ANKRD12: variants seen among roughly 807,000 people sequenced by gnomAD.
ANKRD12 encodes ankyrin repeat domain-containing protein 12.
A neutral mutation model predicts 183.4 loss-of-function variants in ANKRD12; 85 were observed. That is an observed-to-expected ratio of 0.46 (90% confidence interval 0.39 to 0.56). ANKRD12 has a LOEUF of 0.56. Ranked by LOEUF, ANKRD12 falls within the 20% of genes least tolerant of loss-of-function variation. The probability of loss-of-function intolerance (pLI) is 0.00; values close to 1 mark genes in which losing one functional copy is unlikely to be tolerated. For synonymous variants in ANKRD12, 914 were observed against 800.2 expected (o/e 1.14, Z -2.40); for missense variants, 2,405 against 2,357.1 (o/e 1.02, Z -0.42).
intron 1 of ANKRD12, among the ~76,000 whole-genome samples, chr18:9,146,087 C>T (rs528132311): frequency 6.6e-6 from 1 of 152,294 alleles, no homozygotes; most frequent in Admixed American, 6.5e-5. Flanking sequence ...AATGTAGGTT[C>T]AGTTTTTGCT....
rs1019144653 is a variant in ANKRD12, at chr18:9,255,710, A to G, written c.2443A>G (p.Ile815Val). ...AGACATTGAAAAACAAGAAAAGCAT[A>G]TAAAGGAAAGTAAAGAAAAACCTGA... ...EIDIEKQEKH[I>V]KESKEKPEKR... The change falls in exon 9 of 13, where the codon ATA becomes GTA. Residue 815 changes from isoleucine (I) to valine (V), a missense_variant. Coordinates refer to ENST00000262126, the MANE Select transcript of ANKRD12 (RefSeq NM_015208.5). The G allele has an allele frequency of 6.3e-7, 1 of 1,598,542 alleles. No individual in the cohort carries two copies. The highest frequency in any genetic ancestry group is 8.5e-7 in the Non-Finnish European group (1 of 1,176,094).
intron 1 of ANKRD12, among the ~76,000 whole-genome samples, chr18:9,173,067 ATTTTTTTTT>A (rs35322750): frequency 8.2e-6 from 1 of 122,238 alleles, no homozygotes; most frequent in South Asian, 2.6e-4. Flanking sequence ...GAGGTTGCTG[ATTTTTTTTT>A]TTTTTTTTTT....
chr18:9,239,568 A>G, intron 8 of ANKRD12: 1 of 1,261,714 alleles, frequency 7.9e-7, no homozygotes, highest in Non-Finnish European at 1.0e-6. Context: ...TAAGTATCAT[A>G]TAAAGATTTT....
At chr18:9,249,037 ATATCT>A (rs1266343725) in intron 8 of ANKRD12, among the ~76,000 whole-genome samples, 3 of 152,212 alleles carry the variant, frequency 2.0e-5, no homozygotes, top group Non-Finnish European at 4.4e-5. Flanking sequence ...TAATTTCTTG[ATATCT>A]TAATACAGTT....
At chr18:9,210,399 A>G (rs915357322) in intron 5 of ANKRD12, among the ~76,000 whole-genome samples, 1 of 152,058 alleles carries the variant, frequency 6.6e-6, no homozygotes, top group Non-Finnish European at 1.5e-5. Context: ...TCTGTAGGAA[A>G]CTATTACCGA....
rs571665658 is a variant in ANKRD12 at position 9,273,929 on chromosome 18, G to T, written c.5764-1595G>T. ...ATTTATTTAAGATTTATGTCACATG[G>T]GAGCCAAAGACGTGGCAAAACCTGA... On this transcript the variant is annotated intron_variant, in intron 10 of 12. Coordinates refer to ENST00000262126, the MANE Select transcript of ANKRD12 (RefSeq NM_015208.5). Among the ~76,000 whole-genome samples, 15 of 152,306 alleles carry T rather than the reference G, an allele frequency of 9.8e-5. No individual in the cohort carries two copies. The South Asian group carries it at 2.9e-3, about 29-fold the overall frequency.
rs2040204575 is a variant in ANKRD12 at position 9,285,771 on chromosome 18, CTTCA to C, written c.*4647_*4650del. The C allele has an allele frequency of 6.6e-6, 1 of 152,194 alleles. No homozygotes were observed. The highest frequency in any genetic ancestry group is 1.5e-5 in the Non-Finnish European group (1 of 68,038). 9.4% of individuals were successfully genotyped at this position (152,194 alleles called of 1,614,324 possible). A position where few individuals can be genotyped will look rare whatever the true frequency, so the allele number is the denominator to read the frequency against. On this transcript the variant is annotated 3_prime_UTR_variant, in exon 13 of 13. Transcript: ENST00000262126. ...TACATTAGTTGTACCTAGCCTTGAA[CTTCA>C]TAGAAATAGAGTCATACATACTTCC... is the stretch of plus-strand genomic sequence containing the variant.
Position 9,256,850 on chromosome 18 carries a change from G to A in ANKRD12, c.3583G>A (p.Glu1195Lys). The A allele has an allele frequency of 6.2e-7, 1 of 1,613,950 alleles. No homozygotes were observed. The highest frequency in any genetic ancestry group is 8.5e-7 in the Non-Finnish European group (1 of 1,179,936). Residue 1195 changes from glutamate to lysine, a missense_variant, in exon 9 of 13, where the codon GAA (glutamate) becomes AAA (lysine). Glu to Lys is a moderately conservative substitution (Grantham distance 56). Coordinates refer to ENST00000262126, the MANE Select transcript of ANKRD12 (RefSeq NM_015208.5). Reference sequence around the variant, plus strand: ...AAACAGGTCTCCTAGATCAGAAAATGAAAAGCCGGGTCTCAGCTCCAGATC... The same window carrying A: ...AAACAGGTCTCCTAGATCAGAAAATAAAAAGCCGGGTCTCAGCTCCAGATC... ...SLNRSPRSEN[E>K]KPGLSSRSVS...
At chr18:9,173,619 G>GC (rs2032962398) in intron 1 of ANKRD12, among the ~76,000 whole-genome samples, 1 of 142,360 alleles carries the variant, frequency 7.0e-6, no homozygotes, top group Admixed American at 7.1e-5. Context: ...GGGGTGGTGG[G>GC]GGGGGGGTAG....
At chr18:9,237,936 T>C (rs1254357398) in intron 8 of ANKRD12, among the ~76,000 whole-genome samples, 1 of 152,204 alleles carries the variant, frequency 6.6e-6, no homozygotes, top group African/African-American at 2.4e-5. Context: ...TAATCATTTA[T>C]GCCCTTCCCT....
At chr18:9,229,633 A>C (rs1180649534) in intron 8 of ANKRD12, among the ~76,000 whole-genome samples, 2 of 152,114 alleles carry the variant, frequency 1.3e-5, no homozygotes, top group Admixed American at 1.3e-4. Flanking sequence ...TAAAAATGCT[A>C]CTGATTTTTG....
chr18:9,272,492 G>C (rs1158265082), intron 10 of ANKRD12, among the ~76,000 whole-genome samples: 1 of 152,020 alleles, frequency 6.6e-6, no homozygotes, highest in Non-Finnish European at 1.5e-5. Flanking sequence ...AACCCGGGAG[G>C]CGGAGGTTGC....
At chr18:9,241,002 T>TA (rs2144995841) in intron 8 of ANKRD12, among the ~76,000 whole-genome samples, 1 of 152,288 alleles carries the variant, frequency 6.6e-6, no homozygotes, top group South Asian at 2.1e-4. Context: ...TGTTGGTACT[T>TA]ACTTACAATG....
chr18:9,137,343 T>C (rs2078143264), intron 1 of ANKRD12, among the ~76,000 whole-genome samples: 1 of 146,312 alleles, frequency 6.8e-6, no homozygotes, highest in Non-Finnish European at 1.5e-5. Context: ...GCTGGCCTCG[T>C]CGCGGGCGCC....
chr18:9,186,136 GA>G (rs2034038785), intron 2 of ANKRD12, among the ~76,000 whole-genome samples: 5 of 141,894 alleles, frequency 3.5e-5, no homozygotes, highest in African/African-American at 5.3e-5. Flanking sequence ...CTAAAAGTGT[GA>G]TTTTTTTTTT....
At chr18:9,243,702 A>G (rs1166186429) in intron 8 of ANKRD12, among the ~76,000 whole-genome samples, 2 of 152,252 alleles carry the variant, frequency 1.3e-5, no homozygotes, top group Non-Finnish European at 2.9e-5. Flanking sequence ...GACATTGCTG[A>G]AGATCTAATT....
At chr18:9,147,407 G>A (rs2078527653) in intron 1 of ANKRD12, among the ~76,000 whole-genome samples, 1 of 151,880 alleles carries the variant, frequency 6.6e-6, no homozygotes, top group Non-Finnish European at 1.5e-5. Flanking sequence ...GGCTGCAATA[G>A]CCTATCTTTT....
At chr18:9,197,140 A>G (rs1413563527) in intron 3 of ANKRD12, among the ~76,000 whole-genome samples, 1 of 152,204 alleles carries the variant, frequency 6.6e-6, no homozygotes, top group African/African-American at 2.4e-5. Flanking sequence ...AGCCTTTGTC[A>G]TTAGATCAGA....
At chr18:9,279,228 G>T (rs530526810) in intron 11 of ANKRD12, among the ~76,000 whole-genome samples, 2 of 152,250 alleles carry the variant, frequency 1.3e-5, no homozygotes, top group Non-Finnish European at 2.9e-5. Context: ...AATTAAATCT[G>T]TAATTGGTTA....
Sources: gnomAD v4.1 joint callset for allele counts (sites outside exome capture counted in the v4.1 genomes callset) on GRCh38, gnomAD v4.1.1 for gene constraint, MANE v1.5 for transcripts, NCBI Gene and HGNC (gene_info 2026-07-23, HGNC 2026-07-21) for gene names.